Variants in ROBO2 observed in about 807,000 individuals in gnomAD.
The protein encoded by ROBO2 is roundabout guidance receptor 2.
In ROBO2, 53 loss-of-function variants were observed where a neutral mutation model predicts 160.8. That is an observed-to-expected ratio of 0.33 (90% CI 0.26 to 0.41). ROBO2 has a LOEUF of 0.41. Ranked by LOEUF, ROBO2 falls within the 10% of genes least tolerant of loss-of-function variation. The probability of loss-of-function intolerance (pLI) is 1.00; values close to 1 mark genes in which losing one functional copy is unlikely to be tolerated. For missense variants in ROBO2, 1,577 were observed against 1,722.4 expected, an observed-to-expected ratio of 0.92 and a Z score of 1.49; for synonymous variants, 664 against 611.7, an observed-to-expected ratio of 1.09 and a Z score of -1.26.
At chr3:76,585,076 A>G (rs1036684793) in intron 2 of ROBO2, among the ~76,000 whole-genome samples, 4 of 152,166 alleles carry the variant, frequency 2.6e-5, no homozygotes, top group African/African-American at 9.7e-5. Flanking sequence ...AATAATAGCA[A>G]TCGCTAGCAA....
At position 76,381,476 on chromosome 3, in the gene ROBO2, A is replaced by T. The variant is rs143449801; in HGVS notation, c.109+443874A>T. On this transcript the variant is annotated intron_variant, in intron 2 of 26. Coordinates refer to the ROBO2 transcript ENST00000487694. ...GCGATTCTCCTGCCTCAGCCTCCTGAGTAGCTGGGACTACAGACACGTGCC... is the reference window on the plus strand; with the variant it reads ...GCGATTCTCCTGCCTCAGCCTCCTGTGTAGCTGGGACTACAGACACGTGCC... Among the ~76,000 whole-genome samples, 647 of 152,098 alleles carry T rather than the reference A, an allele frequency of 4.3e-3. 7 individuals are homozygous for T. The highest frequency in any genetic ancestry group is 0.015 in the African/African-American group (612 of 41,472).
intron 2 of ROBO2, among the ~76,000 whole-genome samples, chr3:77,329,133 G>A (rs2065736967): frequency 6.6e-6 from 1 of 152,192 alleles, no homozygotes; most frequent in Non-Finnish European, 1.5e-5. Context: ...TAATAGTCCA[G>A]TGTTGATATC....
chr3:76,560,158 G>A (rs1016861663), intron 2 of ROBO2, among the ~76,000 whole-genome samples: 4 of 151,650 alleles, frequency 2.6e-5, no homozygotes, highest in African/African-American at 9.7e-5. Flanking sequence ...GCTTGATATT[G>A]TCCACCCAAC....
chr3:76,214,703 G>A (rs540013240), intron 2 of ROBO2, among the ~76,000 whole-genome samples: 2 of 152,306 alleles, frequency 1.3e-5, no homozygotes, highest in East Asian at 1.9e-4. Flanking sequence ...GCTCAAGGAG[G>A]CCTGCCTGCC....
chr3:76,894,658 G>C (rs1472223155), intron 2 of ROBO2, among the ~76,000 whole-genome samples: 1 of 152,110 alleles, frequency 6.6e-6, no homozygotes, highest in Non-Finnish European at 1.5e-5. Context: ...CATTTGAGTA[G>C]TTGTAGGCCT....
intron 2 of ROBO2, among the ~76,000 whole-genome samples, chr3:76,163,206 A>G (rs2072704136): frequency 1.3e-5 from 2 of 152,100 alleles, no homozygotes; most frequent in South Asian, 2.1e-4. Context: ...TATGGTGAGC[A>G]GGGCCCACCA....
At chr3:77,174,855 A>G (rs866634412) in intron 2 of ROBO2, among the ~76,000 whole-genome samples, 1 of 152,178 alleles carries the variant, frequency 6.6e-6, no homozygotes, top group Middle Eastern at 3.4e-3. Flanking sequence ...CATGGAGAAA[A>G]GGAATTATGT....
chr3:75,944,352 C>T (rs1948188142), intron 2 of ROBO2, among the ~76,000 whole-genome samples: 1 of 152,160 alleles, frequency 6.6e-6, no homozygotes, highest in African/African-American at 2.4e-5. Context: ...ACTGCTTATT[C>T]TTAATTCTTA....
chr3:76,392,409 G>A, intron 2 of ROBO2, among the ~76,000 whole-genome samples: 1 of 152,020 alleles, frequency 6.6e-6, no homozygotes. Context: ...AATTGTTTTG[G>A]TTTATAAAAG....
At chr3:76,882,748 A>C (rs1033188772) in intron 2 of ROBO2, among the ~76,000 whole-genome samples, 4 of 152,164 alleles carry the variant, frequency 2.6e-5, no homozygotes, top group African/African-American at 9.7e-5. Context: ...TTCATTGTTA[A>C]ATTTTTCTGC....
Position 76,602,233 on chromosome 3 carries a change from A to G in ROBO2, c.110-495781A>G, listed in dbSNP as rs570569254. On this transcript the variant is annotated intron_variant, in intron 2 of 26. Transcript: ENST00000487694. ...CTGTCTTCTTCTGAGACCTCCAAGTATCTAGGAAGTTTCAAACTTTCCTAC... is the reference window on the plus strand; with the variant it reads ...CTGTCTTCTTCTGAGACCTCCAAGTGTCTAGGAAGTTTCAAACTTTCCTAC... Among the ~76,000 whole-genome samples the G allele has an allele frequency of 2.0e-5, 3 of 152,230 alleles. No homozygotes were observed. In the East Asian group the frequency reaches 5.8e-4, roughly 29 times the overall value.
chr3:77,620,186 C>A (rs1471131347), intron 22 of ROBO2, among the ~76,000 whole-genome samples: 1 of 152,188 alleles, frequency 6.6e-6, no homozygotes, highest in Non-Finnish European at 1.5e-5. Context: ...TATGAGCTTG[C>A]ATGTGCTTCT....
At chr3:76,280,426 T>G (rs1026315627) in intron 2 of ROBO2, among the ~76,000 whole-genome samples, 1 of 151,930 alleles carries the variant, frequency 6.6e-6, no homozygotes, top group African/African-American at 2.4e-5. Context: ...CCCCACCACA[T>G]GAGGACACCA....
intron 2 of ROBO2, among the ~76,000 whole-genome samples, chr3:76,941,389 G>A (rs1424090198): frequency 1.3e-5 from 2 of 151,794 alleles, no homozygotes; most frequent in Non-Finnish European, 2.9e-5. Context: ...TAAATGTTTA[G>A]AGTATACCCC....
intron 1 of ROBO2, among the ~76,000 whole-genome samples, chr3:75,918,827 T>A (rs2106807750): frequency 6.6e-6 from 1 of 152,288 alleles, no homozygotes; most frequent in Non-Finnish European, 1.5e-5. Flanking sequence ...GATTTGGCTC[T>A]CTGCTTGTCT....
chr3:76,186,448 T>C (rs1272974761), intron 2 of ROBO2, among the ~76,000 whole-genome samples: 2 of 152,066 alleles, frequency 1.3e-5, no homozygotes, highest in Non-Finnish European at 2.9e-5. Flanking sequence ...CATGTGTCTT[T>C]ACCTTCCAGC....
At chr3:76,902,096 T>C (rs1211721333) in intron 2 of ROBO2, among the ~76,000 whole-genome samples, 1 of 152,050 alleles carries the variant, frequency 6.6e-6, no homozygotes, top group Non-Finnish European at 1.5e-5. Flanking sequence ...ATATGAACAT[T>C]TATCTTAATC....
chr3:76,342,566 T>C (rs141474908), intron 2 of ROBO2, among the ~76,000 whole-genome samples: 1,812 of 152,214 alleles, frequency 0.012, 18 homozygotes, highest in Middle Eastern at 0.034. Flanking sequence ...CAAATCTACC[T>C]TTTGCTCTGG....
At chr3:77,168,368 T>C (rs1169994281) in intron 2 of ROBO2, among the ~76,000 whole-genome samples, 12 of 152,202 alleles carry the variant, frequency 7.9e-5, no homozygotes, top group Non-Finnish European at 2.9e-5. Context: ...TCTCTACTTT[T>C]AAGGAGTTAT....
Sources: allele counts gnomAD v4.1 joint callset (sites outside exome capture counted in the v4.1 genomes callset), GRCh38; gene constraint gnomAD v4.1.1; transcripts MANE v1.5; gene names NCBI Gene and HGNC (gene_info 2026-07-23, HGNC 2026-07-21).